Variants in CNTN5 observed in about 807,000 individuals in gnomAD.
CNTN5 encodes contactin-5.
Under a neutral mutation model 129.1 loss-of-function variants are expected in CNTN5, and 77 were observed. The ratio of observed to expected loss-of-function variants is 0.60; its 90% CI spans 0.50 to 0.72. CNTN5 has a LOEUF of 0.72. Among genes scored for constraint, CNTN5 ranks in the 30% least tolerant of loss-of-function variants. The pLI, the probability that CNTN5 is intolerant of heterozygous loss-of-function variation, is 0.00. For missense variants in CNTN5, 1,478 were observed against 1,328.8 expected, an observed-to-expected ratio of 1.11 and a Z score of -1.75; for synonymous variants, 509 against 465.6, an observed-to-expected ratio of 1.09 and a Z score of -1.20.
intron 1 of CNTN5, among the ~76,000 whole-genome samples, chr11:99,075,165 T>A (rs1002200603): frequency 2.6e-5 from 4 of 152,218 alleles, no homozygotes; most frequent in African/African-American, 9.6e-5. Context: ...GTTTCTCCAA[T>A]AACATCATTG....
At chr11:99,321,203 TAC>T (rs35215096) in intron 1 of CNTN5, among the ~76,000 whole-genome samples, 128,239 of 148,286 alleles carry the variant, frequency 0.86, 55,988 homozygotes, top group Middle Eastern at 0.91. Context: ...TCCAATTGCA[TAC>T]ACACACACAC....
chr11:99,437,341 C>T (rs141063567), intron 2 of CNTN5, among the ~76,000 whole-genome samples: 7 of 152,124 alleles, frequency 4.6e-5, no homozygotes, highest in African/African-American at 9.6e-5. Context: ...CCTTTCTTTA[C>T]GTAATCATCT....
intron 2 of CNTN5, among the ~76,000 whole-genome samples, chr11:99,434,059 TACA>T (rs1943505505): frequency 6.6e-6 from 1 of 152,172 alleles, no homozygotes; most frequent in Non-Finnish European, 1.5e-5. Flanking sequence ...GTGCCATACC[TACA>T]ATGAAGATCA....
intron 9 of CNTN5, among the ~76,000 whole-genome samples, chr11:100,037,195 C>G (rs1081350): frequency 0.39 from 49,630 of 127,200 alleles, 10,609 homozygotes; most frequent in Middle Eastern, 0.51. Flanking sequence ...TGAATTTTGT[C>G]AAAGGCCTTT....
At chr11:100,264,582 A>G (rs894004002) in intron 17 of CNTN5, among the ~76,000 whole-genome samples, 1 of 152,166 alleles carries the variant, frequency 6.6e-6, no homozygotes, top group Non-Finnish European at 1.5e-5. Context: ...TCATGACTAC[A>G]TAATACTCCG....
At chr11:99,732,838 T>TAAGA (rs149190943) in intron 3 of CNTN5, among the ~76,000 whole-genome samples, 9,914 of 152,250 alleles carry the variant, frequency 0.065, 487 homozygotes, top group South Asian at 0.24. Flanking sequence ...AGCGACCAGT[T>TAAGA]AAGATGCTGG....
intron 2 of CNTN5, among the ~76,000 whole-genome samples, chr11:99,551,478 C>A (rs2135523794): frequency 6.6e-6 from 1 of 152,180 alleles, no homozygotes; most frequent in East Asian, 1.9e-4. Flanking sequence ...AAGAGATGTC[C>A]TAGAGATTGT....
At chr11:99,646,196 C>A (rs1951953600) in intron 3 of CNTN5, among the ~76,000 whole-genome samples, 1 of 152,114 alleles carries the variant, frequency 6.6e-6, no homozygotes, top group African/African-American at 2.4e-5. Flanking sequence ...TGTCTATGTA[C>A]AATCACTGCC....
At chr11:100,247,436 A>G (rs1408214906) in intron 16 of CNTN5, among the ~76,000 whole-genome samples, 1 of 152,306 alleles carries the variant, frequency 6.6e-6, no homozygotes, top group African/African-American at 2.4e-5. Context: ...ATGAGACTGA[A>G]AACAGTAGGA....
At chr11:99,775,688 CTATG>C (rs1945099733) in intron 3 of CNTN5, among the ~76,000 whole-genome samples, 1 of 151,900 alleles carries the variant, frequency 6.6e-6, no homozygotes, top group Non-Finnish European at 1.5e-5. Flanking sequence ...TGCTCTCTCT[CTATG>C]TATATTTACC....
intron 1 of CNTN5, among the ~76,000 whole-genome samples, chr11:99,306,830 A>G (rs1279520824): frequency 6.6e-6 from 1 of 151,468 alleles, no homozygotes; most frequent in Non-Finnish European, 1.5e-5. Context: ...CATGTTAATC[A>G]TTTTTAAGTA....
intron 6 of CNTN5, among the ~76,000 whole-genome samples, chr11:99,853,511 T>C (rs1386238870): frequency 6.6e-6 from 1 of 152,090 alleles, no homozygotes; most frequent in African/African-American, 2.4e-5. Context: ...GCGATTCTCC[T>C]GCCTCAGCCT....
intron 1 of CNTN5, among the ~76,000 whole-genome samples, chr11:99,050,947 A>G (rs1468479401): frequency 6.6e-6 from 1 of 151,944 alleles, no homozygotes; most frequent in Non-Finnish European, 1.5e-5. Context: ...AATGTCCTAC[A>G]TATGTATTTG....
At chr11:99,755,293 T>C (rs1944370231) in intron 3 of CNTN5, among the ~76,000 whole-genome samples, 1 of 152,204 alleles carries the variant, frequency 6.6e-6, no homozygotes, top group Admixed American at 6.5e-5. Context: ...TTTGTAACAA[T>C]TGACAGACTG....
intron 1 of CNTN5, among the ~76,000 whole-genome samples, chr11:99,238,097 T>A (rs1024709814): frequency 3.3e-5 from 5 of 152,164 alleles, no homozygotes; most frequent in Non-Finnish European, 5.9e-5. Context: ...AGAAATCATA[T>A]AGCAATATAT....
rs940295014 is a variant in CNTN5 at position 99,571,196 on chromosome 11, T to C, written c.55+14927T>C. Among the ~76,000 whole-genome samples, 6 of 152,284 alleles carry C rather than the reference T, an allele frequency of 3.9e-5. No individual in the cohort carries two copies. In the East Asian group the frequency reaches 7.7e-4, roughly 20 times the overall value. On this transcript the variant is annotated intron_variant, in intron 3 of 24. Coordinates refer to ENST00000524871, the MANE Select transcript of CNTN5 (RefSeq NM_014361.4). ...CCTGGACATGTGTAGGATGCTATTG[T>C]AGTAGTTGCGAGAGAAAAGGTAACA... is the stretch of plus-strand genomic sequence containing the variant.
At chr11:99,333,545 A>T (rs1866090235) in intron 2 of CNTN5, among the ~76,000 whole-genome samples, 1 of 152,040 alleles carries the variant, frequency 6.6e-6, no homozygotes, top group Non-Finnish European at 1.5e-5. Flanking sequence ...ATAATAAAAC[A>T]TTTTATAATT....
At chr11:99,354,354 T>A (rs1318822349) in intron 2 of CNTN5, among the ~76,000 whole-genome samples, 3 of 152,142 alleles carry the variant, frequency 2.0e-5, no homozygotes, top group Non-Finnish European at 4.4e-5. Flanking sequence ...TTCAGTGTAG[T>A]TGGTCATCAA....
intron 2 of CNTN5, among the ~76,000 whole-genome samples, chr11:99,328,498 C>A (rs1865872771): frequency 6.6e-6 from 1 of 152,070 alleles, no homozygotes; most frequent in Non-Finnish European, 1.5e-5. Flanking sequence ...TTTATTTTAA[C>A]TACACATATA....
Sources: gnomAD v4.1 joint callset for allele counts (sites outside exome capture counted in the v4.1 genomes callset) on GRCh38, gnomAD v4.1.1 for gene constraint, MANE v1.5 for transcripts, NCBI Gene and HGNC (gene_info 2026-07-23, HGNC 2026-07-21) for gene names.